The following KIAA1217 variants were observed in gnomAD, a reference collection of about 807,000 sequenced individuals.
KIAA1217 encodes sickle tail protein homolog.
Under a neutral mutation model 163.9 loss-of-function variants are expected in KIAA1217, and 88 were observed. The ratio of observed to expected loss-of-function variants is 0.54; its 90% CI spans 0.45 to 0.64. KIAA1217 has a LOEUF of 0.64. KIAA1217 is among the 30% of genes least tolerant of loss of function. The probability of loss-of-function intolerance (pLI) is 0.00; values close to 1 mark genes in which losing one functional copy is unlikely to be tolerated. For synonymous variants in KIAA1217, 903 were observed against 923.1 expected, an observed-to-expected ratio of 0.98 and a Z score of 0.39; for missense variants, 2,372 against 2,475.0, an observed-to-expected ratio of 0.96 and a Z score of 0.88.
intron 1 of KIAA1217, among the ~76,000 whole-genome samples, chr10:23,999,687 G>A (rs1846654281): frequency 6.6e-6 from 1 of 152,098 alleles, no homozygotes; most frequent in African/African-American, 2.4e-5. Flanking sequence ...TTTGAATGGT[G>A]GACTCTCCCG....
At position 23,855,517 on chromosome 10, in the gene KIAA1217, A is replaced by G. The variant is rs1053254655; in HGVS notation, c.-320-151708A>G. 4.6e-5 allele frequency among the ~76,000 whole-genome samples: 7 copies of G among 152,112 alleles called. 1 individual carries two copies. The highest frequency in any genetic ancestry group is 1.4e-4 in the African/African-American group (6 of 41,398). On this transcript the variant is annotated intron_variant, in intron 1 of 18. Transcript: ENST00000376462. ...CTTGGGGTTGCTCTTCTCGAGGAGT[A>G]TCTTTGCGGCATTCTCTGTATTTCC...
chr10:23,849,293 C>G (rs1052773723), intron 1 of KIAA1217, among the ~76,000 whole-genome samples: 4 of 152,012 alleles, frequency 2.6e-5, no homozygotes, highest in African/African-American at 7.2e-5. Flanking sequence ...TTCTGGGAAC[C>G]AGTTTTTACT....
chr10:24,084,306 C>T (rs77260806), intron 2 of KIAA1217, among the ~76,000 whole-genome samples: 4,021 of 152,266 alleles, frequency 0.026, 164 homozygotes, highest in African/African-American at 0.091. Flanking sequence ...GTAAGCCCCA[C>T]GTGGGCAAGG....
intron 2 of KIAA1217, among the ~76,000 whole-genome samples, chr10:24,040,042 C>T (rs755131490): frequency 1.3e-5 from 2 of 152,188 alleles, no homozygotes; most frequent in Non-Finnish European, 2.9e-5. Context: ...CTTCTATCCA[C>T]ACTGCATGGG....
chr10:23,781,606 G>C (rs1457687393), intron 1 of KIAA1217, among the ~76,000 whole-genome samples: 1 of 152,106 alleles, frequency 6.6e-6, no homozygotes, highest in Admixed American at 6.6e-5. Context: ...CAACTTGTTT[G>C]CTTTTGCTTT....
intron 2 of KIAA1217, among the ~76,000 whole-genome samples, chr10:24,175,023 ATTTT>A (rs56155837): frequency 1.3e-5 from 2 of 148,696 alleles, no homozygotes; most frequent in African/African-American, 4.9e-5. Flanking sequence ...TGCCTGGCTA[ATTTT>A]TTTTTTTTAT....
chr10:23,937,595 G>T (rs186032682), intron 1 of KIAA1217, among the ~76,000 whole-genome samples: 1 of 152,108 alleles, frequency 6.6e-6, no homozygotes, highest in African/African-American at 2.4e-5. Flanking sequence ...AAGAAGCCAG[G>T]TTATAAAAGG....
intron 1 of KIAA1217, among the ~76,000 whole-genome samples, chr10:23,704,166 GTGTGTGTA>G (rs1196718260): frequency 4.2e-5 from 3 of 71,372 alleles, no homozygotes; most frequent in African/African-American, 8.8e-5. Flanking sequence ...GTGTGTGTGT[GTGTGTGTA>G]TATATATATA....
At chr10:23,776,381 G>T (rs1415436609) in intron 1 of KIAA1217, among the ~76,000 whole-genome samples, 2 of 150,948 alleles carry the variant, frequency 1.3e-5, no homozygotes, top group Non-Finnish European at 2.9e-5. Flanking sequence ...CATCTATGAT[G>T]AAGATAATGA....
intron 2 of KIAA1217, among the ~76,000 whole-genome samples, chr10:24,151,333 G>A (rs1399821811): frequency 2.6e-5 from 4 of 151,310 alleles, no homozygotes; most frequent in Non-Finnish European, 5.9e-5. Flanking sequence ...CAACATTCAT[G>A]ATTAAGGATA....
intron 1 of KIAA1217, among the ~76,000 whole-genome samples, chr10:23,804,574 G>A (rs1836646632): frequency 6.6e-6 from 1 of 152,126 alleles, no homozygotes; most frequent in African/African-American, 2.4e-5. Context: ...TATGAACATA[G>A]GTCTTGTCCT....
chr10:23,706,416 A>G (rs1385669589), intron 1 of KIAA1217, among the ~76,000 whole-genome samples: 1 of 152,132 alleles, frequency 6.6e-6, no homozygotes, highest in African/African-American at 2.4e-5. Context: ...TTTTCCACAA[A>G]TACACTTTAT....
At chr10:24,453,938 A>G (rs563204383) in intron 5 of KIAA1217, among the ~76,000 whole-genome samples, 1 of 152,342 alleles carries the variant, frequency 6.6e-6, no homozygotes, top group Non-Finnish European at 1.5e-5. Context: ...GACAGCTGAT[A>G]CAAAGATATA....
chr10:24,474,307 T>A (rs548564287), intron 6 of KIAA1217, among the ~76,000 whole-genome samples: 63 of 152,316 alleles, frequency 4.1e-4, no homozygotes, highest in African/African-American at 1.5e-3. Flanking sequence ...TAGTAATCAG[T>A]CCCTTGTGCC....
Position 24,513,420 on chromosome 10 carries a change from C to A in KIAA1217, c.2163C>A (p.Ile721=). The change falls in exon 10 of 21, where the codon ATC becomes ATA. Residue 721 remains isoleucine (I), a synonymous_variant. Transcript: ENST00000376454. ...AATATCTTCATGAGGAAGAGAAGAT[C>A]GTCAAGAAGTTGTGGTGAGTGCCAG... ...RQKYLHEEEK[I]VKKLCELEDF... 1.2e-6 allele frequency: 2 copies of A among 1,614,054 alleles called. No homozygotes were observed. The highest frequency in any genetic ancestry group is 1.1e-5 in the South Asian group (1 of 91,060).
chr10:23,717,960 C>T (rs901244554), intron 1 of KIAA1217, among the ~76,000 whole-genome samples: 1 of 152,162 alleles, frequency 6.6e-6, no homozygotes, highest in African/African-American at 2.4e-5. Flanking sequence ...TTCCAAAATA[C>T]ATTTTTATAG....
intron 2 of KIAA1217, among the ~76,000 whole-genome samples, chr10:24,060,779 T>C (rs986275447): frequency 2.0e-5 from 3 of 152,180 alleles, no homozygotes; most frequent in African/African-American, 7.2e-5. Context: ...GTCACAAGGA[T>C]GTCACAGCCT....
chr10:23,941,414 A>C (rs1195993659), intron 1 of KIAA1217, among the ~76,000 whole-genome samples: 1 of 152,192 alleles, frequency 6.6e-6, no homozygotes, highest in Non-Finnish European at 1.5e-5. Flanking sequence ...CCAAAAACAC[A>C]CAGAAACTGG....
intron 1 of KIAA1217, among the ~76,000 whole-genome samples, chr10:23,743,906 A>T (rs907563390): frequency 1.3e-5 from 2 of 151,500 alleles, no homozygotes; most frequent in Non-Finnish European, 2.9e-5. Context: ...CAGAAAAAAA[A>T]AAATAAATGT....
Sources: gnomAD v4.1 joint callset for allele counts (sites outside exome capture counted in the v4.1 genomes callset) on GRCh38, gnomAD v4.1.1 for gene constraint, MANE v1.5 for transcripts, NCBI Gene and HGNC (gene_info 2026-07-23, HGNC 2026-07-21) for gene names.